Variants in CAB39 observed in about 807,000 individuals in gnomAD.
CAB39 encodes calcium binding protein 39, also known as calcium-binding protein 39.
In CAB39, 8 loss-of-function variants were observed where a neutral mutation model predicts 40.0. The ratio of observed to expected loss-of-function variants is 0.20; its 90% confidence interval spans 0.12 to 0.36. The LOEUF (loss-of-function observed/expected upper bound fraction) is 0.36. Among genes scored for constraint, CAB39 ranks in the 10% least tolerant of loss-of-function variants. The pLI is 1.00. For missense variants in CAB39, 270 were observed against 401.1 expected, an observed-to-expected ratio of 0.67 and a Z score of 2.79; for synonymous variants, 156 against 141.6, an observed-to-expected ratio of 1.10 and a Z score of -0.72.
intron 1 of CAB39, among the ~76,000 whole-genome samples, chr2:230,746,144 G>GAACA (rs1694972169): frequency 6.6e-6 from 1 of 152,204 alleles, no homozygotes; most frequent in African/African-American, 2.4e-5. Context: ...TAAGATGACA[G>GAACA]AACAAGTAAG....
intron 1 of CAB39, among the ~76,000 whole-genome samples, chr2:230,734,791 G>C (rs1308460026): frequency 7.8e-6 from 1 of 127,532 alleles, no homozygotes; most frequent in Non-Finnish European, 1.5e-5. Flanking sequence ...CAGGATCCCA[G>C]AGGCATTCCA....
intron 4 of CAB39, among the ~76,000 whole-genome samples, chr2:230,797,670 T>C (rs1575954177): frequency 6.6e-6 from 1 of 151,952 alleles, no homozygotes; most frequent in African/African-American, 2.4e-5. Context: ...TTAGTAGTCA[T>C]GGTGGGAGCC....
chr2:230,750,168 A>AT (rs2124905105), intron 1 of CAB39, among the ~76,000 whole-genome samples: 1 of 152,334 alleles, frequency 6.6e-6, no homozygotes, highest in South Asian at 2.1e-4. Flanking sequence ...GTTTATTTCC[A>AT]TCAAAACTTA....
chr2:230,797,572 C>T (rs867071790), intron 4 of CAB39, among the ~76,000 whole-genome samples: 6 of 151,744 alleles, frequency 4.0e-5, no homozygotes, highest in African/African-American at 1.5e-4. Context: ...ATTTGAGACA[C>T]GTTGAGTTTA....
intron 5 of CAB39, among the ~76,000 whole-genome samples, chr2:230,803,858 A>G (rs1208283864): frequency 2.0e-5 from 3 of 152,222 alleles, no homozygotes; most frequent in Admixed American, 6.5e-5. Context: ...CATTCCCATC[A>G]AGCTACCACT....
chr2:230,799,729 GC>G (rs1696052607), intron 5 of CAB39, among the ~76,000 whole-genome samples: 1 of 152,176 alleles, frequency 6.6e-6, no homozygotes, highest in South Asian at 2.1e-4. Context: ...AGTGGCTCGT[GC>G]CTGTAATCCC....
intron 7 of CAB39, among the ~76,000 whole-genome samples, chr2:230,815,490 A>C (rs1306789337): frequency 6.6e-6 from 1 of 152,234 alleles, no homozygotes; most frequent in East Asian, 1.9e-4. Context: ...GCAGTTATAC[A>C]GATGCACACA....
At chr2:230,808,120 A>G (rs1266937904) in intron 5 of CAB39, among the ~76,000 whole-genome samples, 3 of 144,838 alleles carry the variant, frequency 2.1e-5, no homozygotes, top group Non-Finnish European at 4.5e-5. Context: ...AAGTTTCACT[A>G]TTGTTGCCCA....
chr2:230,818,709 C>T lies in CAB39; in HGVS notation c.*5C>T. 1 of 1,607,618 alleles carries T rather than the reference C, an allele frequency of 6.2e-7. No homozygotes were observed. The highest frequency in any genetic ancestry group is 8.5e-7 in the Non-Finnish European group (1 of 1,175,018). On this transcript the variant is annotated 3_prime_UTR_variant, in exon 9 of 9. Transcript: ENST00000258418. ...CCAGCTCAGCAAGAAGCTTAATCTC[C>T]AATAAACATCTATGTTAAATCCAAA...
intron 2 of CAB39, among the ~76,000 whole-genome samples, chr2:230,778,565 G>A (rs970251420): frequency 6.6e-6 from 1 of 152,102 alleles, no homozygotes; most frequent in Non-Finnish European, 1.5e-5. Flanking sequence ...CTCTGAAAAG[G>A]CCATTTGTAC....
chr2:230,721,852 T>C (rs550958252), intron 1 of CAB39, among the ~76,000 whole-genome samples: 86 of 152,272 alleles, frequency 5.6e-4, no homozygotes, highest in African/African-American at 2.0e-3. Flanking sequence ...GTTTATTTGG[T>C]CAAAAGAACA....
At chr2:230,791,114 A>AT in intron 3 of CAB39, 78 bp downstream of exon 3, 1 of 1,096,050 alleles carries the variant, frequency 9.1e-7, no homozygotes, top group South Asian at 1.7e-5. Flanking sequence ...CTTTTGGAAC[A>AT]TTGTAAGATT....
At chr2:230,742,159 G>GT (rs1264246290) in intron 1 of CAB39, among the ~76,000 whole-genome samples, 9 of 61,070 alleles carry the variant, frequency 1.5e-4, no homozygotes, top group Non-Finnish European at 3.2e-4. Context: ...GTTTTGTTTT[G>GT]TTTGTTTGTT....
In CAB39 at chr2:230,817,735, T is replaced by C. The variant is rs775147828; in HGVS notation, c.694-19T>C. 1.3e-4 allele frequency: 201 copies of C among 1,546,510 alleles called. No individual in the cohort carries two copies. The highest frequency in any genetic ancestry group is 2.4e-4 in the Admixed American group (11 of 45,566). ...CTTTAAGTTTTAATAACAAGGTAATTGTTTAAATGTCTTCTCAGCTTCTCG... is the reference window on the plus strand; with the variant it reads ...CTTTAAGTTTTAATAACAAGGTAATCGTTTAAATGTCTTCTCAGCTTCTCG... On this transcript the variant is annotated intron_variant, in intron 7 of 8. Coordinates refer to ENST00000258418, the MANE Select transcript of CAB39 (RefSeq NM_016289.4).
intron 2 of CAB39, among the ~76,000 whole-genome samples, chr2:230,781,238 T>G (rs866857742): frequency 1.1e-4 from 17 of 152,080 alleles, no homozygotes; most frequent in African/African-American, 3.9e-4. Flanking sequence ...TATGTTAATA[T>G]AGGAGGAGTG....
chr2:230,756,177 AG>A (rs1695186694), intron 1 of CAB39, among the ~76,000 whole-genome samples: 1 of 152,252 alleles, frequency 6.6e-6, no homozygotes, highest in Non-Finnish European at 1.5e-5. Context: ...ATGGATTCTG[AG>A]AAATGCATCA....
chr2:230,773,384 T>C (rs1454437539), intron 2 of CAB39, among the ~76,000 whole-genome samples: 1 of 150,616 alleles, frequency 6.6e-6, no homozygotes. Context: ...GAGTTCATTG[T>C]ATGTCATTTA....
chr2:230,803,018 C>T (rs932112221), intron 5 of CAB39, among the ~76,000 whole-genome samples: 10 of 152,126 alleles, frequency 6.6e-5, no homozygotes, highest in African/African-American at 1.9e-4. Flanking sequence ...GAAATACTGG[C>T]GAACTGAATC....
chr2:230,713,000 G>T lies in CAB39; in HGVS notation c.-274G>T. The T allele has an allele frequency of 6.6e-6, 1 of 150,994 alleles. No homozygotes were observed. The highest frequency in any genetic ancestry group is 2.0e-4 in the South Asian group (1 of 4,924). 9.4% of individuals were successfully genotyped at this position (150,994 alleles called of 1,614,324 possible). On this transcript the variant is annotated 5_prime_UTR_variant, in exon 1 of 9. Coordinates refer to ENST00000258418, the MANE Select transcript of CAB39 (RefSeq NM_016289.4). ...CCACAGCAGCAGCCGCAGCCCAAGC[G>T]AGCGCAGCAGCGCGGCGGCAGCCGC... is the stretch of plus-strand genomic sequence containing the variant.
Sources: gnomAD v4.1 joint callset for allele counts (sites outside exome capture counted in the v4.1 genomes callset) on GRCh38, gnomAD v4.1.1 for gene constraint, MANE v1.5 for transcripts, NCBI Gene and HGNC (gene_info 2026-07-23, HGNC 2026-07-21) for gene names.